YTHDF3: variants seen among roughly 807,000 people sequenced by gnomAD.
YTHDF3 encodes the protein YTH domain-containing family protein 3.
YTHDF3 carries 9 observed loss-of-function variants against 52.5 expected under a neutral mutation model. The ratio of observed to expected loss-of-function variants is 0.17; its 90% CI spans 0.10 to 0.30. The LOEUF (loss-of-function observed/expected upper bound fraction) is 0.30, where lower values mean the gene tolerates loss of function less well. YTHDF3 is among the 10% of genes least tolerant of loss of function. The pLI is 1.00. For synonymous variants in YTHDF3, 274 were observed against 243.3 expected (o/e 1.13, Z -1.18); for missense variants, 534 against 715.0 (o/e 0.75, Z 2.89).
At chr8:63,192,073 C>T (rs1808947456) in intron 4 of YTHDF3, among the ~76,000 whole-genome samples, 1 of 152,170 alleles carries the variant, frequency 6.6e-6, no homozygotes, top group African/African-American at 2.4e-5. Context: ...TGTGTAACCA[C>T]CCTATCAGTT....
intron 4 of YTHDF3, among the ~76,000 whole-genome samples, chr8:63,201,464 C>T (rs367575456): frequency 2.6e-5 from 4 of 152,088 alleles, no homozygotes; most frequent in Admixed American, 6.6e-5. Flanking sequence ...TTCTTCATTT[C>T]GTTAACAGTT....
chr8:63,172,563 A>T, intron 2 of YTHDF3: 1 of 393,392 alleles, frequency 2.5e-6, no homozygotes, highest in Non-Finnish European at 4.5e-6. Flanking sequence ...AAAGCACTTT[A>T]CTATCATTAT....
chr8:63,187,955 C>G (rs890850219), intron 4 of YTHDF3, among the ~76,000 whole-genome samples: 1 of 152,158 alleles, frequency 6.6e-6, no homozygotes, highest in African/African-American at 2.4e-5. Context: ...TAGCCTCTTG[C>G]TCATTCTTCA....
Position 63,186,316 on chromosome 8 carries a change from C to A in YTHDF3, c.305C>A (p.Pro102Gln). 1.2e-6 allele frequency: 2 copies of A among 1,613,994 alleles called. No homozygotes were observed. The highest frequency in any genetic ancestry group is 1.7e-6 in the Non-Finnish European group (2 of 1,179,882). ...QMSNGEHHYI[P>Q]DGVFSQPGAL... ...AGTAATGGAGAACATCACTATATAC[C>A]AGATGGTGTATTTAGTCAACCTGGG... Residue 102 changes from proline to glutamine, a missense_variant, in exon 4 of 5, where the codon CCA (proline) becomes CAA (glutamine). Pro to Gln is a moderately conservative substitution (Grantham distance 76). Coordinates refer to ENST00000539294, the MANE Select transcript of YTHDF3 (RefSeq NM_152758.6).
chr8:63,203,608 G>C (rs1193791111), intron 4 of YTHDF3, among the ~76,000 whole-genome samples: 4 of 151,934 alleles, frequency 2.6e-5, no homozygotes, highest in Non-Finnish European at 5.9e-5. Flanking sequence ...ATGAACATTG[G>C]TACAATATTA....
intron 2 of YTHDF3, among the ~76,000 whole-genome samples, chr8:63,170,079 G>A (rs1179799235): frequency 6.6e-6 from 1 of 152,134 alleles, no homozygotes; most frequent in African/African-American, 2.4e-5. Context: ...AGTGTGTTTT[G>A]TATTAATATG....
intron 4 of YTHDF3, among the ~76,000 whole-genome samples, chr8:63,196,494 G>C (rs960585014): frequency 2.6e-5 from 4 of 151,242 alleles, no homozygotes; most frequent in Admixed American, 1.3e-4. Context: ...ACCAGGAGGC[G>C]GAAGTTGCAG....
chr8:63,177,527 A>C (rs142503550), intron 3 of YTHDF3, among the ~76,000 whole-genome samples: 1 of 152,316 alleles, frequency 6.6e-6, no homozygotes, highest in East Asian at 1.9e-4. Context: ...GTTAACGCTT[A>C]TGGCAGTATG....
At position 63,211,369 on chromosome 8, in the gene YTHDF3, T is replaced by G. The variant is rs1810361157; in HGVS notation, c.*1663T>G. 1 of 152,516 alleles carries G rather than the reference T, an allele frequency of 6.6e-6. No homozygotes were observed. The allele number at this position is 152,516 out of a possible 1,614,324, so 9.4% of individuals were successfully genotyped here. A position where few individuals can be genotyped will look rare whatever the true frequency, so the allele number is the denominator to read the frequency against. Reference sequence around the variant, plus strand: ...AATAAAGACTTTCTTAAAGGAAAATTGCACCTATTTTACCTTTTTAAGAGT... The same window carrying G: ...AATAAAGACTTTCTTAAAGGAAAATGGCACCTATTTTACCTTTTTAAGAGT... On this transcript the variant is annotated 3_prime_UTR_variant, in exon 5 of 5. Coordinates refer to ENST00000539294, the MANE Select transcript of YTHDF3 (RefSeq NM_152758.6).
At chr8:63,175,206 TA>T in intron 2 of YTHDF3, 124 bp from the exon 3 acceptor site, 1 of 663,474 alleles carries the variant, frequency 1.5e-6, no homozygotes, top group Non-Finnish European at 2.6e-6. Flanking sequence ...AGAGGGTTCT[TA>T]AAAATAACTC....
Position 63,172,666 on chromosome 8 carries a change from A to G in YTHDF3, c.50-2665A>G, listed in dbSNP as rs1341926911. On this transcript the variant is annotated intron_variant, in intron 2 of 4. Coordinates refer to ENST00000539294, the MANE Select transcript of YTHDF3 (RefSeq NM_152758.6). ...CTGTTTTTGTAGGTGGGGAAACATG[A>G]TGCACAGATCTGTTGACTTTCCTAA... The G allele has an allele frequency of 7.0e-6, 5 of 712,118 alleles. No homozygotes were observed. The Admixed American group carries it at 1.7e-4, about 25-fold the overall frequency. 44.1% of individuals were successfully genotyped at this position (712,118 alleles called of 1,614,324 possible).
intron 3 of YTHDF3, among the ~76,000 whole-genome samples, chr8:63,184,158 T>G (rs980166641): frequency 2.0e-5 from 3 of 152,224 alleles, no homozygotes; most frequent in African/African-American, 7.2e-5. Context: ...ACTGATTGTG[T>G]TGGAAAAACA....
intron 2 of YTHDF3, among the ~76,000 whole-genome samples, chr8:63,173,414 A>G (rs1365062131): frequency 6.6e-6 from 1 of 151,686 alleles, no homozygotes; most frequent in African/African-American, 2.4e-5. Flanking sequence ...TAATTTCTAA[A>G]CATTTTTCGT....
chr8:63,180,178 C>T (rs1486730259), intron 3 of YTHDF3, among the ~76,000 whole-genome samples: 2 of 149,174 alleles, frequency 1.3e-5, no homozygotes, highest in Non-Finnish European at 3.0e-5. Flanking sequence ...ACTTCTCAGA[C>T]GGGGCGGCTT....
At chr8:63,183,018 G>A (rs1808252601) in intron 3 of YTHDF3, among the ~76,000 whole-genome samples, 1 of 147,910 alleles carries the variant, frequency 6.8e-6, no homozygotes, top group South Asian at 2.1e-4. Context: ...GTGCAGTGGT[G>A]GCATCGCAGC....
intron 4 of YTHDF3, among the ~76,000 whole-genome samples, chr8:63,193,860 T>C (rs534856494): frequency 6.6e-6 from 1 of 152,330 alleles, no homozygotes; most frequent in Non-Finnish European, 1.5e-5. Flanking sequence ...CAAGACCTCT[T>C]ACACAGTTGT....
chr8:63,180,987 C>A (rs1007860170), intron 3 of YTHDF3, among the ~76,000 whole-genome samples: 51 of 152,296 alleles, frequency 3.3e-4, no homozygotes, highest in South Asian at 2.5e-3. Context: ...GGAGAGGGTC[C>A]TTCATTTCTT....
intron 3 of YTHDF3, among the ~76,000 whole-genome samples, chr8:63,180,295 C>T (rs573728684): frequency 2.0e-4 from 29 of 147,818 alleles, no homozygotes; most frequent in African/African-American, 6.0e-4. Context: ...ACATCCCGGA[C>T]GGGGCGGCAG....
intron 4 of YTHDF3, among the ~76,000 whole-genome samples, chr8:63,199,834 G>A (rs772560000): frequency 3.3e-5 from 5 of 151,966 alleles, no homozygotes; most frequent in Admixed American, 2.0e-4. Context: ...CATGAATACT[G>A]TTGAAGTTAG....
Sources: allele counts gnomAD v4.1 joint callset (sites outside exome capture counted in the v4.1 genomes callset), GRCh38; gene constraint gnomAD v4.1.1; transcripts MANE v1.5; gene names NCBI Gene and HGNC (gene_info 2026-07-23, HGNC 2026-07-21).